The following PIH1D1 variants were observed in gnomAD, a reference collection of about 807,000 sequenced individuals.
The protein encoded by PIH1D1 is PIH1 domain-containing protein 1.
PIH1D1 carries 28 observed loss-of-function variants against 38.5 expected under a neutral mutation model. The observed-to-expected ratio is 0.73, with a 90% confidence interval of 0.54 to 1.00. The LOEUF is 1.00. Ranked by LOEUF, PIH1D1 falls within the 50% of genes least tolerant of loss-of-function variation. The pLI is 0.00. For missense variants in PIH1D1, 343 were observed against 369.9 expected (o/e 0.93, Z 0.60); for synonymous variants, 155 against 153.5 (o/e 1.01, Z -0.07).
At position 49,451,609 on chromosome 19, in the gene PIH1D1, C is replaced by G; in HGVS notation, c.-35G>C. On this transcript the variant is annotated 5_prime_UTR_variant, in exon 1 of 9. Transcript: ENST00000262265. The stretch of plus-strand genomic sequence containing the variant: ...AAAGAGATCTAGGCGTCCTCGAGAC[C>G]CTCAACGTGGGAAACTTTGCCCAGG... 6.2e-7 allele frequency: 1 copy of G among 1,608,492 alleles called. No individual in the cohort carries two copies. Among genetic ancestry groups the G allele is most frequent in the Non-Finnish European group, 8.5e-7 (1 of 1,179,054 alleles).
Position 49,450,577 on chromosome 19 carries a change from C to T in PIH1D1, c.157+205G>A, listed in dbSNP as rs569213493. On this transcript the variant is annotated intron_variant, in intron 2 of 8. Coordinates refer to ENST00000262265, the MANE Select transcript of PIH1D1 (RefSeq NM_017916.3). ...GGGACTACAGGCACGTGCCACCGCACCTGGCCTCTTCCTATCTCTGATTCT... is the reference window on the plus strand; with the variant it reads ...GGGACTACAGGCACGTGCCACCGCATCTGGCCTCTTCCTATCTCTGATTCT... 3.3e-5 allele frequency among the ~76,000 whole-genome samples: 5 copies of T among 152,310 alleles called. 1 individual carries two copies. In the South Asian group the frequency reaches 8.3e-4, roughly 25 times the overall value.
intron 1 of PIH1D1, 172 bp from the exon 2 acceptor site, chr19:49,451,020 CATTT>C (rs1189477833): frequency 8.0e-6 from 9 of 1,129,624 alleles, no homozygotes; most frequent in African/African-American, 1.7e-5. Flanking sequence ...ACCCCATTCC[CATTT>C]CTTTTTTTTT....
intron 3 of PIH1D1, 172 bp downstream of exon 3, chr19:49,449,303 G>T (rs1432646093): frequency 1.4e-6 from 1 of 738,814 alleles, no homozygotes; most frequent in Admixed American, 2.0e-5. Context: ...AACCAGGACT[G>T]CCCGGGTGTG....
intron 7 of PIH1D1, 157 bp downstream of exon 7, chr19:49,446,867 G>A (rs753768227): frequency 9.6e-5 from 102 of 1,066,678 alleles, no homozygotes; most frequent in Middle Eastern, 8.1e-4. Context: ...TCCCTTGGGC[G>A]CCCTCAGGAC....
chr19:49,450,820 G>C lies in PIH1D1; in HGVS notation c.119C>G (p.Thr40Arg). The change falls in exon 2 of 9, where the codon ACA becomes AGA. Residue 40 changes from threonine to arginine, a missense_variant. By Grantham distance (71) the Thr-to-Arg change is moderately conservative (BLOSUM62 -1). Transcript: ENST00000262265. Reference sequence around the variant, plus strand: ...GATTTGTGTCGATTCTGGTCTGGTTGTCTGGGCTTGCTGGAGCTCCTTCGA... The same window carrying C: ...GATTTGTGTCGATTCTGGTCTGGTTCTCTGGGCTTGCTGGAGCTCCTTCGA... ...QASKELQQAQ[T>R]TRPESTQIQP... 6.2e-7 allele frequency: 1 copy of C among 1,613,280 alleles called. No individual in the cohort carries two copies. The highest frequency in any genetic ancestry group is 8.5e-7 in the Non-Finnish European group (1 of 1,179,880).
chr19:49,450,480 G>A (rs2079051758), intron 2 of PIH1D1, among the ~76,000 whole-genome samples: 1 of 152,002 alleles, frequency 6.6e-6, no homozygotes, highest in Non-Finnish European at 1.5e-5. Flanking sequence ...GTACAGTGGT[G>A]CGATCTCCAC....
chr19:49,448,776 C>T (rs2079040165), intron 3 of PIH1D1, among the ~76,000 whole-genome samples: 1 of 152,140 alleles, frequency 6.6e-6, no homozygotes, highest in Non-Finnish European at 1.5e-5. Context: ...CTGCCTAGAG[C>T]TTGGTCCCAG....
In PIH1D1 at chr19:49,451,639, G is replaced by A; in HGVS notation, c.-65C>T. 3 of 1,592,446 alleles carry A rather than the reference G, an allele frequency of 1.9e-6. No homozygotes were observed. The highest frequency in any genetic ancestry group is 2.6e-6 in the Non-Finnish European group (3 of 1,173,080). On this transcript the variant is annotated 5_prime_UTR_variant, in exon 1 of 9. Coordinates refer to ENST00000262265, the MANE Select transcript of PIH1D1 (RefSeq NM_017916.3). ...ACGTGGGAAACTTTGCCCAGGATCC[G>A]AACCCCAGTGCCTGCTCTGGCCCTC... is the stretch of plus-strand genomic sequence containing the variant.
chr19:49,449,738 C>A, intron 2 of PIH1D1, 84 bp from the exon 3 acceptor site: 1 of 1,190,604 alleles, frequency 8.4e-7, no homozygotes, highest in Non-Finnish European at 1.2e-6. Context: ...TGTCTCTTTT[C>A]CTTTTGCCCT....
Position 49,446,665 on chromosome 19 carries a change from G to C in PIH1D1, c.717C>G (p.Ile239Met). The C allele has an allele frequency of 6.3e-7, 1 of 1,584,534 alleles. No homozygotes were observed. The highest frequency in any genetic ancestry group is 8.6e-7 in the Non-Finnish European group (1 of 1,165,404). The change falls in exon 8 of 9, where the codon ATC (isoleucine) becomes ATG (methionine). Residue 239 changes from isoleucine (I) to methionine (M), a missense_variant. Coordinates refer to ENST00000262265, the MANE Select transcript of PIH1D1 (RefSeq NM_017916.3). ...LDGALGLSLE[I>M]GENRLVMGGP... is the part of the protein sequence containing the mutation. ...CCCCCATCACCAGGCGGTTCTCCCC[G>C]ATCTCCAGCGACAGCCCCAGGGCTC...
At position 49,450,822 on chromosome 19, in the gene PIH1D1, C is replaced by G. The variant is rs745987850; in HGVS notation, c.117G>C (p.Gln39His). 29 of 1,613,326 alleles carry G rather than the reference C, an allele frequency of 1.8e-5. No homozygotes were observed. Among genetic ancestry groups the G allele is most frequent in the Non-Finnish European group, 2.4e-5 (28 of 1,179,934 alleles). Residue 39 changes from glutamine (Q) to histidine (H), a missense_variant, in exon 2 of 9, where the codon CAG (glutamine) becomes CAC (histidine). Gln to His is a conservative substitution (Grantham distance 24). Coordinates refer to ENST00000262265, the MANE Select transcript of PIH1D1 (RefSeq NM_017916.3). ...LQASKELQQA[Q>H]TTRPESTQIQ... ...TTTGTGTCGATTCTGGTCTGGTTGT[C>G]TGGGCTTGCTGGAGCTCCTTCGAGG...
intron 2 of PIH1D1, among the ~76,000 whole-genome samples, chr19:49,450,087 T>C (rs765637319): frequency 6.6e-5 from 10 of 151,274 alleles, no homozygotes; most frequent in Non-Finnish European, 7.4e-5. Context: ...CTCTCTTCTT[T>C]GTTTTCTCCT....
intron 2 of PIH1D1, among the ~76,000 whole-genome samples, chr19:49,450,425 C>T (rs1026697574): frequency 6.6e-6 from 1 of 151,690 alleles, no homozygotes; most frequent in South Asian, 2.1e-4. Context: ...TTGTTTGTTT[C>T]GTTTTGTTTT....
In PIH1D1 at chr19:49,446,659, C is replaced by A. The variant is rs896181124; in HGVS notation, c.723G>T (p.Glu241Asp). The change falls in exon 8 of 9, where the codon GAG becomes GAT. Residue 241 changes from glutamate (E) to aspartate (D), a missense_variant. Transcript: ENST00000262265. The stretch of plus-strand genomic sequence containing the variant: ...GGGGGCCCCCCATCACCAGGCGGTT[C>A]TCCCCGATCTCCAGCGACAGCCCCA... ...GALGLSLEIG[E>D]NRLVMGGPQQ... is the part of the protein sequence containing the mutation. 1 of 1,589,042 alleles carries A rather than the reference C, an allele frequency of 6.3e-7. No individual in the cohort carries two copies. The highest frequency in any genetic ancestry group is 8.6e-7 in the Non-Finnish European group (1 of 1,167,596).
chr19:49,448,795 A>G (rs531318294), intron 3 of PIH1D1, among the ~76,000 whole-genome samples: 2 of 151,808 alleles, frequency 1.3e-5, no homozygotes, highest in South Asian at 4.1e-4. Context: ...AGAAAGCTTC[A>G]AGAGACATAT....
chr19:49,446,483 C>A, intron 8 of PIH1D1, 60 bp from the exon 9 acceptor site: 1 of 1,518,130 alleles, frequency 6.6e-7, no homozygotes, highest in East Asian at 2.3e-5. Context: ...CTCCCAGCCC[C>A]CCTCCCTGGG....
intron 7 of PIH1D1, 97 bp from the exon 8 acceptor site, chr19:49,446,791 GGGT>G (rs2079026118): frequency 7.6e-7 from 1 of 1,313,604 alleles, no homozygotes; most frequent in Non-Finnish European, 1.1e-6. Flanking sequence ...TATATTTGAA[GGGT>G]CTAATCTCCC....
chr19:49,450,215 T>C (rs545015439), intron 2 of PIH1D1, among the ~76,000 whole-genome samples: 1 of 152,046 alleles, frequency 6.6e-6, no homozygotes, highest in African/African-American at 2.4e-5. Context: ...CTCAGCCTCG[T>C]GAGTAGCTAT....
intron 7 of PIH1D1, 120 bp from the exon 8 acceptor site, chr19:49,446,814 C>A (rs756700445): frequency 1.7e-6 from 2 of 1,203,998 alleles, no homozygotes; most frequent in East Asian, 2.3e-5. Context: ...CAGGAAGAGA[C>A]AGAAGACAGC....
Sources: allele counts gnomAD v4.1 joint callset (sites outside exome capture counted in the v4.1 genomes callset), GRCh38; gene constraint gnomAD v4.1.1; transcripts MANE v1.5; gene names NCBI Gene and HGNC (gene_info 2026-07-23, HGNC 2026-07-21).